Variants in UBASH3B observed in about 807,000 individuals in gnomAD.
UBASH3B encodes the protein ubiquitin associated and SH3 domain containing B.
Under a neutral mutation model 83.4 loss-of-function variants are expected in UBASH3B, and 37 were observed. The ratio of observed to expected loss-of-function variants is 0.44; its 90% CI spans 0.34 to 0.58. UBASH3B has a LOEUF of 0.58. UBASH3B is among the 20% of genes least tolerant of loss of function. The pLI, the probability that UBASH3B is intolerant of heterozygous loss-of-function variation, is 0.01. For missense variants in UBASH3B, 657 were observed against 827.2 expected (o/e 0.79, Z 2.52); for synonymous variants, 304 against 318.3 (o/e 0.96, Z 0.48).
chr11:122,699,332 C>G (rs1015809511), intron 1 of UBASH3B, among the ~76,000 whole-genome samples: 1 of 152,064 alleles, frequency 6.6e-6, no homozygotes. Flanking sequence ...GAGTGTGGCA[C>G]GTGGAGTCAC....
chr11:122,796,870 A>C (rs777377535), intron 8 of UBASH3B, 41 bp from the exon 9 acceptor site: 1 of 1,613,854 alleles, frequency 6.2e-7, no homozygotes, highest in African/African-American at 1.3e-5. Flanking sequence ...CAAGTAAACA[A>C]GAAATGTATG....
intron 1 of UBASH3B, among the ~76,000 whole-genome samples, chr11:122,716,035 G>C (rs1032056402): frequency 6.6e-6 from 1 of 152,266 alleles, no homozygotes. Flanking sequence ...ATTAGAGGCA[G>C]CAGGGACTGT....
At chr11:122,684,454 G>A (rs1440642668) in intron 1 of UBASH3B, among the ~76,000 whole-genome samples, 2 of 152,222 alleles carry the variant, frequency 1.3e-5, no homozygotes, top group Admixed American at 1.3e-4. Context: ...AGAGAAGAGT[G>A]TGTGTTAACC....
chr11:122,711,328 C>T (rs906385652), intron 1 of UBASH3B, among the ~76,000 whole-genome samples: 2 of 152,154 alleles, frequency 1.3e-5, no homozygotes, highest in African/African-American at 2.4e-5. Flanking sequence ...GGTAATCAGA[C>T]CCTATTCCAA....
chr11:122,789,745 T>C (rs996428182), intron 6 of UBASH3B, among the ~76,000 whole-genome samples: 5 of 152,192 alleles, frequency 3.3e-5, no homozygotes, highest in African/African-American at 1.2e-4. Flanking sequence ...GAGCCCTAAC[T>C]GTATCCTTGA....
intron 1 of UBASH3B, among the ~76,000 whole-genome samples, chr11:122,675,871 T>TAG (rs1446258582): frequency 6.6e-6 from 1 of 152,208 alleles, no homozygotes; most frequent in Non-Finnish European, 1.5e-5. Context: ...TACAATTAAA[T>TAG]AGAGAGAGAG....
In UBASH3B at chr11:122,702,805, C is replaced by T. The variant is rs1864060601; in HGVS notation, c.161+46595C>T. On this transcript the variant is annotated intron_variant, in intron 1 of 13. Coordinates refer to ENST00000284273, the MANE Select transcript of UBASH3B (RefSeq NM_032873.5). ...CTCCCAAAGTGCTGGGGATTACAGG[C>T]GTGAGCCACCGTGCCTGGCCAGATT... Among the ~76,000 whole-genome samples the T allele has an allele frequency of 2.0e-5, 3 of 152,022 alleles. No homozygotes were observed. In the South Asian group the frequency reaches 6.2e-4, roughly 32 times the overall value.
chr11:122,705,006 T>A (rs1157963453), intron 1 of UBASH3B, among the ~76,000 whole-genome samples: 1 of 152,184 alleles, frequency 6.6e-6, no homozygotes, highest in Non-Finnish European at 1.5e-5. Context: ...CTTGTTACTG[T>A]AACTATGGGA....
chr11:122,698,437 T>A (rs1863991129), intron 1 of UBASH3B, among the ~76,000 whole-genome samples: 1 of 152,160 alleles, frequency 6.6e-6, no homozygotes, highest in Non-Finnish European at 1.5e-5. Flanking sequence ...TCTCCCCACC[T>A]TGCAACAAGG....
chr11:122,777,222 C>T lies in UBASH3B; in HGVS notation c.402+12C>T, dbSNP rs1424452736. ...GCCAGTTCTTTATGGTGAGCGGCAG[C>T]GCCCCCACCCCTGGGAAGCCTGGCT... is the stretch of plus-strand genomic sequence containing the variant. On this transcript the variant is annotated intron_variant, in intron 3 of 13. Coordinates refer to ENST00000284273, the MANE Select transcript of UBASH3B (RefSeq NM_032873.5). The T allele has an allele frequency of 1.2e-5, 20 of 1,600,466 alleles. No homozygotes were observed. Among genetic ancestry groups the T allele is most frequent in the Middle Eastern group, 1.7e-4 (1 of 6,008 alleles).
chr11:122,760,625 T>C (rs2135975908), intron 1 of UBASH3B, among the ~76,000 whole-genome samples: 1 of 152,260 alleles, frequency 6.6e-6, no homozygotes, highest in Middle Eastern at 3.4e-3. Flanking sequence ...CCTCCCAAAA[T>C]GCTGGGATTA....
intron 1 of UBASH3B, among the ~76,000 whole-genome samples, chr11:122,683,969 T>C (rs1863778592): frequency 6.6e-6 from 1 of 152,220 alleles, no homozygotes; most frequent in Admixed American, 6.5e-5. Flanking sequence ...ATCTATTTCT[T>C]GTAGTTCCTT....
intron 1 of UBASH3B, among the ~76,000 whole-genome samples, chr11:122,668,274 C>A (rs1306632945): frequency 1.3e-5 from 2 of 152,192 alleles, no homozygotes; most frequent in African/African-American, 4.8e-5. Flanking sequence ...AGGTTTGAGC[C>A]ACCATGCGTG....
intron 1 of UBASH3B, among the ~76,000 whole-genome samples, chr11:122,711,416 T>C (rs1193353212): frequency 6.6e-6 from 1 of 152,214 alleles, no homozygotes; most frequent in East Asian, 1.9e-4. Flanking sequence ...AATAACAAGA[T>C]GGTCACCCCT....
intron 1 of UBASH3B, among the ~76,000 whole-genome samples, chr11:122,748,083 C>T (rs1861147524): frequency 6.6e-6 from 1 of 152,180 alleles, no homozygotes; most frequent in Non-Finnish European, 1.5e-5. Flanking sequence ...AAGGAGGATC[C>T]TGCAAAAGGA....
Position 122,813,749 on chromosome 11 carries a change from G to A in UBASH3B, c.*3863G>A, listed in dbSNP as rs1861492208. 2.0e-5 allele frequency: 3 copies of A among 152,168 alleles called. No individual in the cohort carries two copies. The highest frequency in any genetic ancestry group is 6.5e-5 in the Admixed American group (1 of 15,274). The allele number at this position is 152,168 out of a possible 1,614,324, so 9.4% of individuals were successfully genotyped here. On this transcript the variant is annotated 3_prime_UTR_variant, in exon 14 of 14. Coordinates refer to ENST00000284273, the MANE Select transcript of UBASH3B (RefSeq NM_032873.5). ...AAGGTGATGGGGGATATTTTGTTAG[G>A]TGATAGCAGAAGCTTTTCATTTTTA...
chr11:122,676,795 A>G (rs1863673395), intron 1 of UBASH3B, among the ~76,000 whole-genome samples: 1 of 152,032 alleles, frequency 6.6e-6, no homozygotes, highest in Non-Finnish European at 1.5e-5. Context: ...TCCCTTCTGT[A>G]TTTCCTGGCA....
intron 13 of UBASH3B, among the ~76,000 whole-genome samples, chr11:122,808,996 C>CA: frequency 6.7e-6 from 1 of 150,290 alleles, no homozygotes; most frequent in East Asian, 1.9e-4. Flanking sequence ...ACGGGTGAAA[C>CA]AAATTTTTTC....
At chr11:122,787,203 G>A (rs1362408776) in intron 5 of UBASH3B, among the ~76,000 whole-genome samples, 2 of 152,174 alleles carry the variant, frequency 1.3e-5, no homozygotes, top group African/African-American at 4.8e-5. Flanking sequence ...CCTTTTCATG[G>A]GACGTCACAC....
Sources: gnomAD v4.1 joint callset for allele counts (sites outside exome capture counted in the v4.1 genomes callset) on GRCh38, gnomAD v4.1.1 for gene constraint, MANE v1.5 for transcripts, NCBI Gene and HGNC (gene_info 2026-07-23, HGNC 2026-07-21) for gene names.